Variants in ERRFI1 observed in about 807,000 individuals in gnomAD.
The protein encoded by ERRFI1 is mitogen-inducible gene 6 protein.
ERRFI1 carries 12 observed loss-of-function variants against 14.6 expected under a neutral mutation model. The ratio of observed to expected loss-of-function variants is 0.82; its 90% CI spans 0.53 to 1.33. The LOEUF is 1.33. ERRFI1 is among the 40% of genes most tolerant of loss of function. The pLI, the probability that ERRFI1 is intolerant of heterozygous loss-of-function variation, is 0.00. For synonymous variants in ERRFI1, 202 were observed against 209.9 expected, an observed-to-expected ratio of 0.96 and a Z score of 0.32; for missense variants, 482 against 572.1, an observed-to-expected ratio of 0.84 and a Z score of 1.61.
At chr1:8,025,741 G>T (rs1030439952) in intron 1 of ERRFI1, among the ~76,000 whole-genome samples, 2 of 151,920 alleles carry the variant, frequency 1.3e-5, no homozygotes, top group Non-Finnish European at 2.9e-5. Context: ...GCTGCGGGAC[G>T]AGGACCTTCA....
intron 1 of ERRFI1, among the ~76,000 whole-genome samples, chr1:8,025,250 T>C (rs956778011): frequency 6.6e-6 from 1 of 152,208 alleles, no homozygotes; most frequent in East Asian, 1.9e-4. Context: ...GAAATCCTAA[T>C]AAAGACTTAG....
chr1:8,015,419 A>G, intron 2 of ERRFI1, 35 bp from the exon 3 acceptor site: 1 of 1,614,126 alleles, frequency 6.2e-7, no homozygotes, highest in Non-Finnish European at 8.5e-7. Context: ...GTCATAAGCG[A>G]AGAGCAATCA....
intron 1 of ERRFI1, among the ~76,000 whole-genome samples, chr1:8,023,897 T>C (rs1374788511): frequency 6.6e-6 from 1 of 152,228 alleles, no homozygotes; most frequent in East Asian, 1.9e-4. Context: ...AGCGAGTTCT[T>C]TATTAGCTTT....
chr1:8,024,026 A>T (rs908194524), intron 1 of ERRFI1, among the ~76,000 whole-genome samples: 1 of 152,236 alleles, frequency 6.6e-6, no homozygotes, highest in Non-Finnish European at 1.5e-5. Context: ...GAGGGAGCCT[A>T]TGCCATTCCA....
intron 1 of ERRFI1, among the ~76,000 whole-genome samples, chr1:8,024,944 T>C (rs1433241104): frequency 2.0e-5 from 3 of 152,162 alleles, no homozygotes; most frequent in Non-Finnish European, 2.9e-5. Flanking sequence ...AAAAAATAGG[T>C]ACGGTGAACT....
chr1:8,014,039 G>T lies in ERRFI1; in HGVS notation c.560C>A (p.Thr187Lys), dbSNP rs758325760. ...AACATCATATTTGAAATCAGAAAGTGTAGAGTCTTCTAAAAGGAAGTCTGT... is the reference window on the plus strand; with the variant it reads ...AACATCATATTTGAAATCAGAAAGTTTAGAGTCTTCTAAAAGGAAGTCTGT... ...SDTDFLLEDS[T>K]LSDFKYDVPG... is the part of the protein sequence containing the mutation. The change falls in exon 4 of 4, where the codon ACA becomes AAA. Residue 187 changes from threonine to lysine, a missense_variant. By Grantham distance (78) the Thr-to-Lys change is moderately conservative. Coordinates refer to ENST00000377482, the MANE Select transcript of ERRFI1 (RefSeq NM_018948.4). 1.2e-6 allele frequency: 2 copies of T among 1,614,022 alleles called. No individual in the cohort carries two copies. The highest frequency in any genetic ancestry group is 3.3e-5 in the Admixed American group (2 of 59,986).
intron 1 of ERRFI1, among the ~76,000 whole-genome samples, chr1:8,016,646 C>A (rs148789445): frequency 2.4e-4 from 37 of 152,276 alleles, no homozygotes; most frequent in African/African-American, 8.7e-4. Flanking sequence ...TCTCTGCTGT[C>A]TTCAGATAGC....
intron 1 of ERRFI1, among the ~76,000 whole-genome samples, chr1:8,023,011 A>G (rs924241275): frequency 1.3e-5 from 2 of 152,152 alleles, no homozygotes; most frequent in African/African-American, 4.8e-5. Flanking sequence ...GCAGAGGAGC[A>G]TATATTTACA....
intron 1 of ERRFI1, among the ~76,000 whole-genome samples, chr1:8,016,734 C>G (rs1641179029): frequency 6.6e-6 from 1 of 152,110 alleles, no homozygotes; most frequent in Admixed American, 6.5e-5. Context: ...ACACTGACCC[C>G]TTTTGGGGGC....
At chr1:8,019,498 G>A (rs1466644492) in intron 1 of ERRFI1, among the ~76,000 whole-genome samples, 2 of 152,068 alleles carry the variant, frequency 1.3e-5, no homozygotes. Context: ...AATCATCTAG[G>A]ACAGAACTGA....
intron 1 of ERRFI1, among the ~76,000 whole-genome samples, chr1:8,025,279 C>T (rs2124080299): frequency 6.6e-6 from 1 of 152,276 alleles, no homozygotes; most frequent in East Asian, 1.9e-4. Context: ...AATACAGCAC[C>T]ATTCACGGTT....
chr1:8,023,083 A>AAAGAGGCAGCCCTGAT (rs1641295442), intron 1 of ERRFI1, among the ~76,000 whole-genome samples: 1 of 152,192 alleles, frequency 6.6e-6, no homozygotes, highest in African/African-American at 2.4e-5. Flanking sequence ...AAAGGCTGAA[A>AAAGAGGCAGCCCTGAT]AAGAGGCAGC....
At chr1:8,020,947 A>G (rs1027339918) in intron 1 of ERRFI1, among the ~76,000 whole-genome samples, 4 of 152,376 alleles carry the variant, frequency 2.6e-5, no homozygotes, top group East Asian at 1.9e-4. Context: ...CATGGTAAGC[A>G]TAAGTAGCCT....
Position 8,021,349 on chromosome 1 carries a change from C to T in ERRFI1, c.-74+4809G>A, listed in dbSNP as rs1034537470. ...AGTCTTTCAACTCACTTAAGCCTCC[C>T]ACACAATTTTAGTGTGACAGCAGAA... On this transcript the variant is annotated intron_variant, in intron 1 of 3. Coordinates refer to ENST00000377482, the MANE Select transcript of ERRFI1 (RefSeq NM_018948.4). 2.0e-5 allele frequency among the ~76,000 whole-genome samples: 3 copies of T among 152,214 alleles called. No homozygotes were observed. In the South Asian group the frequency reaches 6.2e-4, roughly 31 times the overall value.
chr1:8,014,004 G>T lies in ERRFI1; in HGVS notation c.595C>A (p.Arg199=), dbSNP rs761008139. ...SDFKYDVPGR[R]SFRGCGQINY... is the part of the protein sequence containing the mutation. ...ATTTGTCCACACCCACGGAAGCTTCGCCTGCCAGGAACATCATATTTGAAA... is the reference window on the plus strand; with the variant it reads ...ATTTGTCCACACCCACGGAAGCTTCTCCTGCCAGGAACATCATATTTGAAA... Residue 199 remains arginine (R), a synonymous_variant, in exon 4 of 4, where the codon CGA becomes AGA. Transcript: ENST00000377482. 1 of 1,613,768 alleles carries T rather than the reference G, an allele frequency of 6.2e-7. No individual in the cohort carries two copies. Among genetic ancestry groups the T allele is most frequent in the South Asian group, 1.1e-5 (1 of 91,074 alleles).
intron 1 of ERRFI1, among the ~76,000 whole-genome samples, chr1:8,019,339 C>CA (rs1205059777): frequency 6.6e-6 from 1 of 152,184 alleles, no homozygotes; most frequent in Non-Finnish European, 1.5e-5. Context: ...CTATTTTCCC[C>CA]AAATCTCTGT....
chr1:8,024,620 G>A (rs1343642435), intron 1 of ERRFI1, among the ~76,000 whole-genome samples: 1 of 152,172 alleles, frequency 6.6e-6, no homozygotes, highest in Non-Finnish European at 1.5e-5. Context: ...ATTATCGAGT[G>A]TCCCCTGGAA....
intron 1 of ERRFI1, among the ~76,000 whole-genome samples, chr1:8,023,214 C>T (rs1311471860): frequency 6.6e-6 from 1 of 152,180 alleles, no homozygotes; most frequent in Non-Finnish European, 1.5e-5. Context: ...TCTTCCAATC[C>T]TTACCTTCCT....
Position 8,012,113 on chromosome 1 carries a change from G to GA in ERRFI1, c.*1096dup, listed in dbSNP as rs1641094135. 4.3e-6 allele frequency: 1 copy of GA among 230,448 alleles called. No individual in the cohort carries two copies. Among genetic ancestry groups the GA allele is most frequent in the Admixed American group, 5.7e-5 (1 of 17,688 alleles). 14.3% of individuals were successfully genotyped at this position (230,448 alleles called of 1,614,324 possible). A position where few individuals can be genotyped will look rare whatever the true frequency, so the allele number is the denominator to read the frequency against. On this transcript the variant is annotated 3_prime_UTR_variant, in exon 4 of 4. Transcript: ENST00000377482. The stretch of plus-strand genomic sequence containing the variant: ...CACAGCTGTGAGAGTTTTCAAAGCA[G>GA]AAAGATGCTGATGTGACCTCTGGAA...
Sources: allele counts gnomAD v4.1 joint callset (sites outside exome capture counted in the v4.1 genomes callset), GRCh38; gene constraint gnomAD v4.1.1; transcripts MANE v1.5; gene names NCBI Gene and HGNC (gene_info 2026-07-23, HGNC 2026-07-21).